Variants in DPYSL5 observed in about 807,000 individuals in gnomAD.
DPYSL5 encodes the protein dihydropyrimidinase-related protein 5.
In DPYSL5, 9 loss-of-function variants were observed where a neutral mutation model predicts 58.4. The observed-to-expected ratio is 0.15, with a 90% CI of 0.09 to 0.27. The LOEUF (loss-of-function observed/expected upper bound fraction) is 0.27, where lower values mean the gene tolerates loss of function less well. Ranked by LOEUF, DPYSL5 falls within the 10% of genes least tolerant of loss-of-function variation. The pLI is 1.00. For missense variants in DPYSL5, 499 were observed against 770.6 expected, an observed-to-expected ratio of 0.65 and a Z score of 4.17; for synonymous variants, 293 against 301.9, an observed-to-expected ratio of 0.97 and a Z score of 0.31.
chr2:26,910,408 G>A lies in DPYSL5; in HGVS notation c.261+11648G>A, dbSNP rs77088643. On this transcript the variant is annotated intron_variant, in intron 2 of 12. Transcript: ENST00000288699. ...GTGGTCAGTCTTTTTAATTTTAGCC[G>A]TTCTAATAGGTGTGTAGTGGTATCT... is the stretch of plus-strand genomic sequence containing the variant. Among the ~76,000 whole-genome samples, 524 of 152,052 alleles carry A rather than the reference G, an allele frequency of 3.4e-3. 4 individuals carry two copies. Among genetic ancestry groups the A allele is most frequent in the African/African-American group, 0.012 (487 of 41,466 alleles).
At chr2:26,919,062 G>A (rs1484196966) in intron 2 of DPYSL5, among the ~76,000 whole-genome samples, 1 of 152,124 alleles carries the variant, frequency 6.6e-6, no homozygotes, top group Non-Finnish European at 1.5e-5. Flanking sequence ...AATCTTCAAA[G>A]GTCTTTGTCC....
At chr2:26,913,952 T>TA (rs71401539) in intron 2 of DPYSL5, among the ~76,000 whole-genome samples, 46,404 of 132,274 alleles carry the variant, frequency 0.35, 8,238 homozygotes, top group Admixed American at 0.52. Context: ...TTCCAAAATG[T>TA]AAAAAAAAAA....
intron 2 of DPYSL5, among the ~76,000 whole-genome samples, chr2:26,918,669 G>A (rs1291737341): frequency 3.3e-5 from 5 of 152,124 alleles, no homozygotes; most frequent in Non-Finnish European, 2.9e-5. Context: ...ACATCCACTC[G>A]TCATTTGATT....
chr2:26,920,491 C>T (rs1183142714), intron 2 of DPYSL5, among the ~76,000 whole-genome samples: 1 of 152,164 alleles, frequency 6.6e-6, no homozygotes, highest in Admixed American at 6.5e-5. Context: ...GTTGGCCAGG[C>T]GTGGTGGCTC....
In DPYSL5 at chr2:26,906,045, G is replaced by A. The variant is rs140884683; in HGVS notation, c.261+7285G>A. Among the ~76,000 whole-genome samples, 371 of 152,150 alleles carry A rather than the reference G, an allele frequency of 2.4e-3. 1 individual carries two copies. Among genetic ancestry groups the A allele is most frequent in the African/African-American group, 8.2e-3 (341 of 41,508 alleles). On this transcript the variant is annotated intron_variant, in intron 2 of 12. Transcript: ENST00000288699. ...TCCTTGTTGGCTGTCAGCCTGGGGCGGATCTCAGTGCCTGGAGGCTGCCAG... is the reference window on the plus strand; with the variant it reads ...TCCTTGTTGGCTGTCAGCCTGGGGCAGATCTCAGTGCCTGGAGGCTGCCAG...
Position 26,947,603 on chromosome 2 carries a change from GGGGGGTCACA to G in DPYSL5, c.*611_*620del, listed in dbSNP as rs1236498065. 1 of 34,458 alleles carries G rather than the reference GGGGGGTCACA, an allele frequency of 2.9e-5. No individual in the cohort carries two copies. The allele number at this position is 34,458 out of a possible 1,614,324, so 2.1% of individuals were successfully genotyped here. A position where few individuals can be genotyped will look rare whatever the true frequency, so the allele number is the denominator to read the frequency against. On this transcript the variant is annotated 3_prime_UTR_variant, in exon 13 of 13. Transcript: ENST00000288699. This position sits in a 1 kb window ranked among gnomAD's most constrained non-coding sequence, Gnocchi z 4.2. ...TCTCCTGCGCCCCGCCCACACCCTC[GGGGGGTCACA>G]GGCCCAGAAGGGTAGCTGGGCGGGG... is the stretch of plus-strand genomic sequence containing the variant.
intron 1 of DPYSL5, among the ~76,000 whole-genome samples, chr2:26,871,567 G>T (rs376627676): frequency 1.3e-5 from 2 of 151,940 alleles, no homozygotes; most frequent in Non-Finnish European, 2.9e-5. Flanking sequence ...TCAGCCTCCC[G>T]AGTAGCTGGG....
chr2:26,875,665 C>G (rs138841006), intron 1 of DPYSL5, among the ~76,000 whole-genome samples: 2 of 152,268 alleles, frequency 1.3e-5, no homozygotes, highest in Admixed American at 1.3e-4. Flanking sequence ...CTACACCTGC[C>G]TTCTGGGTTT....
Position 26,877,081 on chromosome 2 carries a change from C to T in DPYSL5, c.-4-21415C>T, listed in dbSNP as rs192461099. ...TCCCAGGTTCAAGCGATTCTCTTGC[C>T]TCAGCCTCCCGAGTAGCTGGGATTA... On this transcript the variant is annotated intron_variant, in intron 1 of 12. Coordinates refer to ENST00000288699, the MANE Select transcript of DPYSL5 (RefSeq NM_020134.4). This position sits in a 1 kb window ranked among gnomAD's most constrained non-coding sequence, Gnocchi z 4.1. Among the ~76,000 whole-genome samples, 151 of 151,216 alleles carry T rather than the reference C, an allele frequency of 1.0e-3. No individual in the cohort carries two copies. The highest frequency in any genetic ancestry group is 3.6e-3 in the African/African-American group (150 of 41,180).
chr2:26,850,028 C>T (rs1445745732), intron 1 of DPYSL5, among the ~76,000 whole-genome samples: 2 of 152,164 alleles, frequency 1.3e-5, no homozygotes, highest in African/African-American at 4.8e-5. Context: ...TTCCCCCGAG[C>T]AGCGGCTTTG....
At chr2:26,885,754 C>G (rs1233042384) in intron 1 of DPYSL5, among the ~76,000 whole-genome samples, 1 of 152,192 alleles carries the variant, frequency 6.6e-6, no homozygotes, top group African/African-American at 2.4e-5. Flanking sequence ...CTCCACTAGC[C>G]TTTGGAGATG....
chr2:26,857,360 G>A (rs928959871), intron 1 of DPYSL5, among the ~76,000 whole-genome samples: 25 of 151,982 alleles, frequency 1.6e-4, no homozygotes, highest in Admixed American at 5.9e-4. Context: ...AACATATAGC[G>A]AAACCCCGTC....
chr2:26,929,644 G>A (rs1046971263), intron 5 of DPYSL5, among the ~76,000 whole-genome samples: 1 of 152,228 alleles, frequency 6.6e-6, no homozygotes, highest in East Asian at 1.9e-4. Flanking sequence ...GGTCCCTGGT[G>A]CCAAAATGGT....
Position 26,934,662 on chromosome 2 carries a change from C to T in DPYSL5, c.875C>T (p.Ala292Val). 1 of 1,614,204 alleles carries T rather than the reference C, an allele frequency of 6.2e-7. No homozygotes were observed. The highest frequency in any genetic ancestry group is 8.5e-7 in the Non-Finnish European group (1 of 1,180,042). Residue 292 changes from alanine to valine, a missense_variant, in exon 8 of 13, where the codon GCT becomes GTT. Coordinates refer to ENST00000288699, the MANE Select transcript of DPYSL5 (RefSeq NM_020134.4). The surrounding 1 kb of genome is among the most constrained non-coding windows in gnomAD (Gnocchi z 4.3). The stretch of plus-strand genomic sequence containing the variant: ...TACCACCAGGACTGGTCCCACGCGG[C>T]TGCCTATGTCACGGTGCCTCCCCTG... ...HYYHQDWSHA[A>V]AYVTVPPLRL...
At chr2:26,928,737 ACACG>A (rs1335492933) in intron 5 of DPYSL5, among the ~76,000 whole-genome samples, 18 of 87,668 alleles carry the variant, frequency 2.1e-4, no homozygotes, top group Admixed American at 9.5e-4. Context: ...ATACGCACAC[ACACG>A]CACACACATA....
intron 3 of DPYSL5, among the ~76,000 whole-genome samples, chr2:26,926,355 T>C (rs1664829798): frequency 6.6e-6 from 1 of 152,206 alleles, no homozygotes; most frequent in African/African-American, 2.4e-5. Context: ...AGCCACTCTC[T>C]ACTTCCCCTG....
intron 1 of DPYSL5, among the ~76,000 whole-genome samples, chr2:26,896,907 C>T (rs1664037426): frequency 1.3e-5 from 2 of 152,180 alleles, no homozygotes; most frequent in Admixed American, 1.3e-4. Context: ...TCTATCTTTA[C>T]TTTTGTTGTC....
chr2:26,886,780 C>T (rs2384507), intron 1 of DPYSL5, among the ~76,000 whole-genome samples: 2 of 152,164 alleles, frequency 1.3e-5, no homozygotes, highest in Non-Finnish European at 1.5e-5. Flanking sequence ...TGAGTGACCC[C>T]AGGGTGCCTT....
chr2:26,924,835 G>T lies in DPYSL5; in HGVS notation c.262-52G>T. The stretch of plus-strand genomic sequence containing the variant: ...GAGGACCATGTCTCACCACATCATT[G>T]ACTCGGGGGCAGGCAGGGCTGTGAC... On this transcript the variant is annotated intron_variant, in intron 2 of 12. Coordinates refer to ENST00000288699, the MANE Select transcript of DPYSL5 (RefSeq NM_020134.4). The surrounding 1 kb of genome is among the most constrained non-coding windows in gnomAD (Gnocchi z 4.7). 3 of 1,583,434 alleles carry T rather than the reference G, an allele frequency of 1.9e-6. No individual in the cohort carries two copies. The South Asian group carries it at 3.5e-5, about 19-fold the overall frequency.
Sources: allele counts gnomAD v4.1 joint callset (sites outside exome capture counted in the v4.1 genomes callset), GRCh38; gene constraint gnomAD v4.1.1; non-coding constraint Gnocchi (gnomAD v3.1); transcripts MANE v1.5; gene names NCBI Gene and HGNC (gene_info 2026-07-23, HGNC 2026-07-21).